The following BRSK2 variants were observed in gnomAD, a reference collection of about 807,000 sequenced individuals.
BRSK2 encodes the protein BR serine/threonine kinase 2, also known as serine/threonine-protein kinase BRSK2.
In BRSK2, 19 loss-of-function variants were observed where a neutral mutation model predicts 83.3. That is an observed-to-expected ratio of 0.23 (90% confidence interval 0.16 to 0.33). BRSK2 has a LOEUF of 0.33. Among genes scored for constraint, BRSK2 ranks in the 10% least tolerant of loss-of-function variants. The pLI is 1.00. For missense variants in BRSK2, 798 were observed against 1,042.3 expected, an observed-to-expected ratio of 0.77 and a Z score of 3.23; for synonymous variants, 519 against 435.4, an observed-to-expected ratio of 1.19 and a Z score of -2.39.
Position 1,461,004 on chromosome 11 carries a change from G to A in BRSK2, c.*281G>A, listed in dbSNP as rs750848029. 10 of 1,611,926 alleles carry A rather than the reference G, an allele frequency of 6.2e-6. No individual in the cohort carries two copies. The Admixed American group carries it at 1.0e-4, about 16-fold the overall frequency. On this transcript the variant is annotated 3_prime_UTR_variant, in exon 20 of 20. Coordinates refer to ENST00000528841, the MANE Select transcript of BRSK2 (RefSeq NM_001256627.2). ...CGAAAAGTTAACATGTCACCTCCAC[G>A]AGGCCATCCTCTGTGACCGAAGGCA...
intron 1 of BRSK2, among the ~76,000 whole-genome samples, chr11:1,418,712 C>T (rs867081973): frequency 6.8e-4 from 104 of 152,366 alleles, no homozygotes; most frequent in African/African-American, 2.5e-3. Context: ...TTGTTGGATA[C>T]TGCATGTTGT....
Position 1,461,161 on chromosome 11 carries a change from CGGGGGAGCCT to C in BRSK2, c.*439_*448del. Reference sequence around the variant, plus strand: ...CGGCCCGTGGGAGGAAGGCCAGGCTCGGGGGAGCCTCCTCCAGCCCGGCCGACCCGGACTC... The same window carrying C: ...CGGCCCGTGGGAGGAAGGCCAGGCTCCCTCCAGCCCGGCCGACCCGGACTC... On this transcript the variant is annotated 3_prime_UTR_variant, in exon 20 of 20. Coordinates refer to ENST00000528841, the MANE Select transcript of BRSK2 (RefSeq NM_001256627.2). 9.9e-7 allele frequency: 1 copy of C among 1,014,292 alleles called. No homozygotes were observed. 62.8% of individuals were successfully genotyped at this position (1,014,292 alleles called of 1,614,324 possible).
At position 1,442,535 on chromosome 11, in the gene BRSK2, C is replaced by A; in HGVS notation, c.459C>A (p.Asn153Lys). 1 of 1,613,148 alleles carries A rather than the reference C, an allele frequency of 6.2e-7. No homozygotes were observed. The highest frequency in any genetic ancestry group is 8.5e-7 in the Non-Finnish European group (1 of 1,179,778). ...KPENLLLDEK[N>K]NIRIADFGMA... ...AAAACCTCCTGCTGGACGAGAAGAA[C>A]AACATCCGCATCGCAGACTTTGGCA... The change falls in exon 5 of 20, where the codon AAC becomes AAA. Residue 153 changes from asparagine to lysine, a missense_variant. Asn to Lys is a moderately conservative substitution (Grantham distance 94). Around this residue, in one of 6 missense-constraint regions of BRSK2, gnomAD observed 109 missense variants for 259.2 expected, o/e 0.42. Coordinates refer to ENST00000528841, the MANE Select transcript of BRSK2 (RefSeq NM_001256627.2).
chr11:1,442,604 T>C lies in BRSK2; in HGVS notation c.528T>C (p.Cys176=), dbSNP rs1229060442. Reference sequence around the variant, plus strand: ...GCGACAGCCTGTTGGAGACCAGCTGTGGGTACGTGGCCCTCTGCCCTGGAG... The same window carrying C: ...GCGACAGCCTGTTGGAGACCAGCTGCGGGTACGTGGCCCTCTGCCCTGGAG... The part of the protein sequence containing the change: ...QVGDSLLETS[C]GSPHYACPEV... The change falls in exon 5 of 20, where the codon TGT becomes TGC. Residue 176 remains cysteine, a splice_region_variant and synonymous_variant. Coordinates refer to ENST00000528841, the MANE Select transcript of BRSK2 (RefSeq NM_001256627.2). 6.2e-7 allele frequency: 1 copy of C among 1,609,616 alleles called. No homozygotes were observed. Among genetic ancestry groups the C allele is most frequent in the South Asian group, 1.1e-5 (1 of 91,006 alleles).
rs532450349 is a variant in BRSK2 at position 1,422,694 on chromosome 11, C to T, written c.92-13346C>T. Among the ~76,000 whole-genome samples, 5 of 152,274 alleles carry T rather than the reference C, an allele frequency of 3.3e-5. No individual in the cohort carries two copies. The East Asian group carries it at 5.8e-4, about 18-fold the overall frequency. ...GTCCATGGTGCTGGAAGAGCTCTGG[C>T]GACCCCACAGGCAGGCAGGCCTGAC... On this transcript the variant is annotated intron_variant, in intron 1 of 19. Transcript: ENST00000528841.
intron 15 of BRSK2, among the ~76,000 whole-genome samples, chr11:1,451,701 T>C (rs2133209091): frequency 6.6e-6 from 1 of 151,826 alleles, no homozygotes; most frequent in East Asian, 1.9e-4. Flanking sequence ...CTGGGCAGAG[T>C]CTCCCCAGGG....
At chr11:1,443,441 C>T (rs944665509) in intron 7 of BRSK2, 38 bp downstream of exon 7, 59 of 1,579,488 alleles carry the variant, frequency 3.7e-5, no homozygotes, top group Non-Finnish European at 4.9e-5. Context: ...CCTGGCCTCT[C>T]CCCAAACCTG....
rs1330147376 is a variant in BRSK2, at chr11:1,461,137, G to A, written c.*414G>A. The A allele has an allele frequency of 2.6e-5, 32 of 1,226,796 alleles. No individual in the cohort carries two copies. The highest frequency in any genetic ancestry group is 5.4e-5 in the East Asian group (2 of 37,026). The allele number at this position is 1,226,796 out of a possible 1,614,324, so 76.0% of individuals were successfully genotyped here. ...GCAGCTCCTCGCCTCAGCTCCGCAC[G>A]GCCCGTGGGAGGAAGGCCAGGCTCG... On this transcript the variant is annotated 3_prime_UTR_variant, in exon 20 of 20. Coordinates refer to ENST00000528841, the MANE Select transcript of BRSK2 (RefSeq NM_001256627.2).
chr11:1,396,449 C>G (rs927518769), intron 1 of BRSK2, among the ~76,000 whole-genome samples: 4 of 152,206 alleles, frequency 2.6e-5, no homozygotes, highest in African/African-American at 9.6e-5. Context: ...GCCCTCTCAT[C>G]ATGGCCTCAC....
At chr11:1,411,328 C>T (rs1847471898) in intron 1 of BRSK2, 2 of 1,365,968 alleles carry the variant, frequency 1.5e-6, no homozygotes, top group Non-Finnish European at 9.4e-7. Context: ...GAAGCTGGGG[C>T]CGGAGCAGGG....
chr11:1,452,537 C>T (rs1164790463), intron 15 of BRSK2, among the ~76,000 whole-genome samples: 1 of 152,236 alleles, frequency 6.6e-6, no homozygotes, highest in East Asian at 1.9e-4. Flanking sequence ...GCGCTTCTCC[C>T]CTCCCCCATC....
In BRSK2 at chr11:1,411,572, C is replaced by T. The variant is rs748815377; in HGVS notation, c.91+21197C>T. 3.6e-5 allele frequency: 57 copies of T among 1,582,086 alleles called. No individual in the cohort carries two copies. In the Middle Eastern group the frequency reaches 1.4e-3, roughly 38 times the overall value. ...GCCACACTCCCGGCCCACAGCTGCT[C>T]CAGCCGCACCTCCACCTTCCTCAAG... On this transcript the variant is annotated intron_variant, in intron 1 of 19. Transcript: ENST00000528841.
At chr11:1,413,776 A>G (rs971098736) in intron 1 of BRSK2, among the ~76,000 whole-genome samples, 1 of 152,192 alleles carries the variant, frequency 6.6e-6, no homozygotes, top group African/African-American at 2.4e-5. Context: ...CCCCCACTCC[A>G]TCAGCCCCTC....
rs1443175003 is a variant in BRSK2, at chr11:1,433,883, C to G, written c.92-2157C>G. Among the ~76,000 whole-genome samples, 5 of 152,368 alleles carry G rather than the reference C, an allele frequency of 3.3e-5. No homozygotes were observed. In the East Asian group the frequency reaches 9.6e-4, roughly 29 times the overall value. On this transcript the variant is annotated intron_variant, in intron 1 of 19. Transcript: ENST00000528841. ...GTGTCACTGCCCGGCCTGCAGCTCC[C>G]CCTGCCTCTGGGGAAGCCCGCTTCT... is the stretch of plus-strand genomic sequence containing the variant.
At position 1,454,461 on chromosome 11, in the gene BRSK2, C is replaced by T. The variant is rs368366201; in HGVS notation, c.1545-24C>T. 17 of 1,612,208 alleles carry T rather than the reference C, an allele frequency of 1.1e-5. No homozygotes were observed. The African/African-American group carries it at 1.7e-4, about 16-fold the overall frequency. ...GGACGGTGCCACACCTCAATCCTCACAGCCTCTGTCTCCCACTGCCCAGGC... is the reference window on the plus strand; with the variant it reads ...GGACGGTGCCACACCTCAATCCTCATAGCCTCTGTCTCCCACTGCCCAGGC... On this transcript the variant is annotated intron_variant, in intron 15 of 19. Transcript: ENST00000528841. This position sits in a 1 kb window ranked among gnomAD's most constrained non-coding sequence, Gnocchi z 5.2.
Position 1,460,857 on chromosome 11 carries a change from A to G in BRSK2, c.*134A>G, listed in dbSNP as rs550722926. ...GTTCTCAGAGCCTGGGAGGAAAGGA[A>G]AGGGGCGTTGGGGCCGGCCTGTGGG... is the stretch of plus-strand genomic sequence containing the variant. On this transcript the variant is annotated 3_prime_UTR_variant, in exon 20 of 20. Transcript: ENST00000528841. The G allele has an allele frequency of 5.8e-6, 9 of 1,559,924 alleles. No individual in the cohort carries two copies. In the Admixed American group the frequency reaches 1.5e-4, roughly 26 times the overall value.
chr11:1,390,840 G>C lies in BRSK2; in HGVS notation c.91+465G>C, dbSNP rs539235204. On this transcript the variant is annotated intron_variant, in intron 1 of 19. Transcript: ENST00000528841. This position sits in a 1 kb window ranked among gnomAD's most constrained non-coding sequence, Gnocchi z 6.8. ...CCACCTCCGCGCGCCGGCCACCGGG[G>C]CCTCCGGGCAGGCCCGATCTCCCTC... is the stretch of plus-strand genomic sequence containing the variant. Among the ~76,000 whole-genome samples, 369 of 152,278 alleles carry C rather than the reference G, an allele frequency of 2.4e-3. 4 individuals carry two copies. The highest frequency in any genetic ancestry group is 8.6e-3 in the African/African-American group (357 of 41,582).
At chr11:1,426,549 G>A (rs1342917875) in intron 1 of BRSK2, among the ~76,000 whole-genome samples, 1 of 152,198 alleles carries the variant, frequency 6.6e-6, no homozygotes, top group Non-Finnish European at 1.5e-5. Context: ...AGTGTGCAGG[G>A]AAGGCCCTGG....
intron 1 of BRSK2, among the ~76,000 whole-genome samples, chr11:1,416,324 T>C (rs571250817): frequency 6.6e-6 from 1 of 152,284 alleles, no homozygotes; most frequent in Non-Finnish European, 1.5e-5. Flanking sequence ...GACTGCAGCA[T>C]TGAGTGTTCT....
Sources: gnomAD v4.1 joint callset for allele counts (sites outside exome capture counted in the v4.1 genomes callset) on GRCh38, gnomAD v4.1.1 for gene constraint, gnomAD v4.1.1 regional missense constraint, Gnocchi (gnomAD v3.1) non-coding constraint, MANE v1.5 for transcripts, NCBI Gene and HGNC (gene_info 2026-07-23, HGNC 2026-07-21) for gene names.